The following SLC30A10 variants were observed in gnomAD, a reference collection of about 807,000 sequenced individuals.
SLC30A10 encodes calcium/manganese antiporter SLC30A10.
In SLC30A10, 8 loss-of-function variants were observed where a neutral mutation model predicts 21.7. The observed-to-expected ratio is 0.37, with a 90% CI of 0.22 to 0.67. SLC30A10 has a LOEUF of 0.67. Ranked by LOEUF, SLC30A10 falls within the 30% of genes least tolerant of loss-of-function variation. SLC30A10 has a pLI of 0.58. For synonymous variants in SLC30A10, 272 were observed against 279.4 expected, an observed-to-expected ratio of 0.97 and a Z score of 0.26; for missense variants, 521 against 642.5, an observed-to-expected ratio of 0.81 and a Z score of 2.04.
intron 1 of SLC30A10, among the ~76,000 whole-genome samples, chr1:219,943,374 G>A (rs1018525876): frequency 2.6e-5 from 4 of 152,132 alleles, no homozygotes; most frequent in African/African-American, 4.8e-5. Flanking sequence ...CAGCACTAAT[G>A]AAGCACCCCC....
chr1:219,928,581 C>T, upstream of SLC30A10: 26 of 481,536 alleles, frequency 5.4e-5, no homozygotes, highest in Non-Finnish European at 7.9e-5. The surrounding 1 kb of genome is among the most constrained non-coding windows in gnomAD (Gnocchi z 6.3). Context: ...TGCCCCACCG[C>T]TTTTTATAAC....
chr1:219,923,475 A>G (rs1176143740), intron 2 of SLC30A10, among the ~76,000 whole-genome samples: 1 of 152,224 alleles, frequency 6.6e-6, no homozygotes, highest in Non-Finnish European at 1.5e-5. Context: ...GAAATAGTGC[A>G]TTTGCACTGG....
rs924151057 is a variant in SLC30A10, at chr1:219,911,910, C to T, written c.*3539G>A. ...GGACAGTACCGGCATTTATGCATAG[C>T]GGTCAGGGGTGCAGCTAAACATCCT... On this transcript the variant is annotated 3_prime_UTR_variant, in exon 4 of 4. Transcript: ENST00000366926. Among the ~76,000 whole-genome samples the T allele has an allele frequency of 1.6e-4, 24 of 152,034 alleles. No individual in the cohort carries two copies. The highest frequency in any genetic ancestry group is 1.4e-3 in the East Asian group (7 of 5,162).
At chr1:219,917,940 T>C (rs933561387) in intron 3 of SLC30A10, among the ~76,000 whole-genome samples, 2 of 152,190 alleles carry the variant, frequency 1.3e-5, no homozygotes, top group African/African-American at 4.8e-5. Context: ...CTTGAACTTC[T>C]GACCTCAGGT....
intron 1 of SLC30A10, among the ~76,000 whole-genome samples, chr1:219,938,965 G>C (rs1660081603): frequency 6.6e-6 from 1 of 152,174 alleles, no homozygotes; most frequent in Non-Finnish European, 1.5e-5. Flanking sequence ...CTATGGGGCT[G>C]TTTTAACAGA....
upstream of SLC30A10, among the ~76,000 whole-genome samples, chr1:219,929,210 C>A (rs1659926811): frequency 6.6e-6 from 1 of 152,246 alleles, no homozygotes; most frequent in African/African-American, 2.4e-5. Context: ...ACTCATGGCA[C>A]AAGATCGTCC....
chr1:219,958,838 T>G (rs1158857615), upstream of SLC30A10, among the ~76,000 whole-genome samples: 1 of 152,190 alleles, frequency 6.6e-6, no homozygotes, highest in East Asian at 1.9e-4. Flanking sequence ...TTTATGTTAC[T>G]GGCCCTTACA....
chr1:219,923,350 G>A (rs191625697), intron 2 of SLC30A10, among the ~76,000 whole-genome samples: 1 of 152,036 alleles, frequency 6.6e-6, no homozygotes, highest in African/African-American at 2.4e-5. Context: ...AGATTAAAAC[G>A]AAACCCCCAA....
At chr1:219,929,396 T>G (rs113888562), upstream of SLC30A10, among the ~76,000 whole-genome samples, 2,792 of 152,272 alleles carry the variant, frequency 0.018, 84 homozygotes, top group African/African-American at 0.061. Flanking sequence ...AGGGCTGACC[T>G]CCTCTGTGTA....
chr1:219,936,500 G>C (rs1337797919), intron 1 of SLC30A10, among the ~76,000 whole-genome samples: 2 of 152,124 alleles, frequency 1.3e-5, no homozygotes, highest in Admixed American at 1.3e-4. Context: ...TACAGAGGTA[G>C]GCACGTACAC....
intron 2 of SLC30A10, among the ~76,000 whole-genome samples, chr1:219,925,651 A>ATATATATATT (rs1317554458): frequency 1.0e-4 from 5 of 48,278 alleles, no homozygotes; most frequent in African/African-American, 4.7e-4. Context: ...ATATATATAT[A>ATATATATATT]TTTTTTTTTT....
upstream of SLC30A10, among the ~76,000 whole-genome samples, chr1:219,929,098 T>C (rs1293613624): frequency 2.0e-5 from 3 of 152,336 alleles, no homozygotes; most frequent in East Asian, 5.8e-4. Context: ...CATCCGCCAC[T>C]CAGCCCTCCA....
At chr1:219,940,949 G>C (rs146399106) in intron 1 of SLC30A10, among the ~76,000 whole-genome samples, 1 of 152,244 alleles carries the variant, frequency 6.6e-6, no homozygotes, top group African/African-American at 2.4e-5. Context: ...CTCTCACTGA[G>C]AGTAGAAAAA....
At chr1:219,941,279 A>G (rs975877911) in intron 1 of SLC30A10, among the ~76,000 whole-genome samples, 1 of 152,248 alleles carries the variant, frequency 6.6e-6, no homozygotes, top group Non-Finnish European at 1.5e-5. Flanking sequence ...GAAGCCTTCA[A>G]AACAGCTTCA....
Position 219,928,071 on chromosome 1 carries a change from G to GC in SLC30A10, c.369dup (p.Leu124AlafsTer92), listed in dbSNP as rs1201880992. The GC allele has an allele frequency of 6.3e-7, 1 of 1,589,374 alleles. No individual in the cohort carries two copies. Among genetic ancestry groups the GC allele is most frequent in the African/African-American group, 1.4e-5 (1 of 73,922 alleles). The stretch of plus-strand genomic sequence containing the variant: ...AGCAGCCCCACCACGTTGACCAACA[G>GC]CCCCAGGACGCCGACGATGAGCACC... On this transcript the variant is annotated frameshift_variant, in exon 1 of 4. Transcript: ENST00000366926. LOFTEE classifies it high-confidence loss of function. This position sits in a 1 kb window ranked among gnomAD's most constrained non-coding sequence, Gnocchi z 6.3.
At chr1:219,917,699 T>C (rs1659576014) in intron 3 of SLC30A10, among the ~76,000 whole-genome samples, 1 of 146,086 alleles carries the variant, frequency 6.8e-6, no homozygotes, top group Admixed American at 7.0e-5. Flanking sequence ...CTTTTCTTTT[T>C]TTTCTTTCCT....
intron 1 of SLC30A10, among the ~76,000 whole-genome samples, chr1:219,954,881 A>C (rs1020258606): frequency 6.6e-6 from 1 of 152,122 alleles, no homozygotes; most frequent in Non-Finnish European, 1.5e-5. Flanking sequence ...TGAGCTGTAC[A>C]AGGTCACCTT....
intron 1 of SLC30A10, among the ~76,000 whole-genome samples, chr1:219,942,748 TCA>T (rs1212151988): frequency 6.6e-6 from 1 of 152,094 alleles, no homozygotes; most frequent in Non-Finnish European, 1.5e-5. Flanking sequence ...TAATTCACAA[TCA>T]AAAATCATGA....
At chr1:219,952,555 ACTAG>A (rs1660284494) in intron 1 of SLC30A10, among the ~76,000 whole-genome samples, 1 of 117,510 alleles carries the variant, frequency 8.5e-6, no homozygotes, top group African/African-American at 3.6e-5. Context: ...CCTACTATTA[ACTAG>A]CTGTATGATT....
Sources: allele counts gnomAD v4.1 joint callset (sites outside exome capture counted in the v4.1 genomes callset), GRCh38; gene constraint gnomAD v4.1.1; non-coding constraint Gnocchi (gnomAD v3.1); transcripts MANE v1.5; gene names NCBI Gene and HGNC (gene_info 2026-07-23, HGNC 2026-07-21).